Variants in NELL2 observed in about 807,000 individuals in gnomAD.
NELL2 encodes the protein protein kinase C-binding protein NELL2.
In NELL2, 41 loss-of-function variants were observed where a neutral mutation model predicts 109.6. That is an observed-to-expected ratio of 0.37 (90% CI 0.29 to 0.49). The LOEUF is 0.49. Ranked by LOEUF, NELL2 falls within the 20% of genes least tolerant of loss-of-function variation. NELL2 has a pLI of 0.98. For synonymous variants in NELL2, 355 were observed against 344.7 expected (o/e 1.03, Z -0.33); for missense variants, 900 against 1,008.3 (o/e 0.89, Z 1.45).
At chr12:44,601,073 A>T (rs1192868562) in intron 15 of NELL2, among the ~76,000 whole-genome samples, 1 of 152,120 alleles carries the variant, frequency 6.6e-6, no homozygotes, top group Non-Finnish European at 1.5e-5. Flanking sequence ...AAAACTGAAG[A>T]TCTTATCCAA....
intron 15 of NELL2, among the ~76,000 whole-genome samples, chr12:44,544,850 ACTGC>A (rs1942728277): frequency 3.3e-5 from 5 of 152,084 alleles, no homozygotes; most frequent in Admixed American, 3.3e-4. Context: ...CAGAATTGAT[ACTGC>A]AAGATGCTAC....
intron 9 of NELL2, among the ~76,000 whole-genome samples, chr12:44,735,358 G>A (rs1939587000): frequency 6.6e-6 from 1 of 152,002 alleles, no homozygotes; most frequent in East Asian, 1.9e-4. Flanking sequence ...ATTTCTCCAG[G>A]AAGAATGTTT....
chr12:44,515,075 G>A (rs1284155281), intron 19 of NELL2, among the ~76,000 whole-genome samples: 1 of 151,622 alleles, frequency 6.6e-6, no homozygotes, highest in Non-Finnish European at 1.5e-5. Context: ...TGGATAAACA[G>A]GTGTATAAAA....
At chr12:44,777,180 G>C (rs370012272) in intron 6 of NELL2, 56 bp from the exon 7 acceptor site, 6 of 1,608,216 alleles carry the variant, frequency 3.7e-6, no homozygotes, top group Non-Finnish European at 5.1e-6. Context: ...GTTCAATCTG[G>C]TTAAGTCTAT....
intron 1 of NELL2, among the ~76,000 whole-genome samples, chr12:44,898,495 C>G (rs750604022): frequency 3.3e-5 from 5 of 152,144 alleles, no homozygotes; most frequent in Admixed American, 6.5e-5. Flanking sequence ...CAAACTCCAG[C>G]AGACCTGCAG....
At chr12:44,804,250 T>C (rs956662998) in intron 3 of NELL2, among the ~76,000 whole-genome samples, 1 of 151,904 alleles carries the variant, frequency 6.6e-6, no homozygotes, top group Non-Finnish European at 1.5e-5. Flanking sequence ...AGCATGTCAA[T>C]CACCTTCTTT....
intron 15 of NELL2, among the ~76,000 whole-genome samples, chr12:44,586,148 C>A (rs1386528606): frequency 6.7e-6 from 1 of 149,988 alleles, no homozygotes; most frequent in African/African-American, 2.4e-5. Context: ...AAATATATCA[C>A]AATTTATTTA....
chr12:44,777,913 C>G (rs1381133893), intron 5 of NELL2, among the ~76,000 whole-genome samples: 1 of 152,068 alleles, frequency 6.6e-6, no homozygotes, highest in Non-Finnish European at 1.5e-5. Context: ...CTGGAAATGA[C>G]CTGTTTTACA....
rs1477625546 is a variant in NELL2, at chr12:44,612,419, TG to T, written c.1445-1450del. 1.3e-4 allele frequency among the ~76,000 whole-genome samples: 20 copies of T among 151,842 alleles called. No individual in the cohort carries two copies. The South Asian group carries it at 3.5e-3, about 27-fold the overall frequency. On this transcript the variant is annotated intron_variant, in intron 13 of 19. Transcript: ENST00000429094. ...CACCAAGGTTCTAGAACTGCACAAA[TG>T]GATATATTATTTTCCAAATTCCTGG...
At chr12:44,723,121 G>A (rs995917416) in intron 9 of NELL2, among the ~76,000 whole-genome samples, 6 of 151,796 alleles carry the variant, frequency 4.0e-5, no homozygotes, top group South Asian at 2.1e-4. Context: ...CCCGGGAGGC[G>A]GAGCTTGCAG....
intron 9 of NELL2, among the ~76,000 whole-genome samples, chr12:44,758,995 C>G (rs1396847273): frequency 6.6e-6 from 1 of 152,134 alleles, no homozygotes; most frequent in Non-Finnish European, 1.5e-5. Flanking sequence ...CTGGTTTCAC[C>G]AAGTTCTTGA....
chr12:44,695,934 T>C (rs1342701955), intron 12 of NELL2, among the ~76,000 whole-genome samples: 1 of 151,770 alleles, frequency 6.6e-6, no homozygotes, highest in Non-Finnish European at 1.5e-5. Context: ...CAATGAGGCA[T>C]GATTGCACCA....
In NELL2 at chr12:44,517,371, T is replaced by TTC. The variant is rs71093810; in HGVS notation, c.2400+2632_2400+2633dup. On this transcript the variant is annotated intron_variant, in intron 19 of 19. Coordinates refer to ENST00000429094, the MANE Select transcript of NELL2 (RefSeq NM_001145108.2). ...GTCTGGTACCTACCCACCAACTACT[T>TTC]TCTCTCTCTCTCTCTCTCTCTCTCT... 8.9e-3 allele frequency among the ~76,000 whole-genome samples: 910 copies of TTC among 102,486 alleles called. 16 individuals carry two copies. The highest frequency in any genetic ancestry group is 0.013 in the Non-Finnish European group (657 of 48,930). 67.2% of individuals were successfully genotyped at this position (102,486 alleles called of 152,430 possible). A position where few individuals can be genotyped will look rare whatever the true frequency, so the allele number is the denominator to read the frequency against.
At chr12:44,762,117 G>A (rs1056966035) in intron 9 of NELL2, among the ~76,000 whole-genome samples, 3 of 152,020 alleles carry the variant, frequency 2.0e-5, no homozygotes, top group African/African-American at 7.2e-5. Flanking sequence ...CAACCATCCA[G>A]ATTTTTACCT....
At chr12:44,598,349 T>A (rs750400379) in intron 15 of NELL2, among the ~76,000 whole-genome samples, 3 of 152,092 alleles carry the variant, frequency 2.0e-5, no homozygotes, top group Non-Finnish European at 4.4e-5. Context: ...GTACAGACTC[T>A]GGGAGCATTA....
intron 2 of NELL2, among the ~76,000 whole-genome samples, chr12:44,873,120 C>T (rs1000807755): frequency 6.6e-6 from 1 of 152,112 alleles, no homozygotes; most frequent in African/African-American, 2.4e-5. Context: ...CTACTGAGAA[C>T]ATGGCATGCA....
At chr12:44,848,579 A>C (rs1944442659) in intron 2 of NELL2, among the ~76,000 whole-genome samples, 1 of 151,808 alleles carries the variant, frequency 6.6e-6, no homozygotes, top group African/African-American at 2.4e-5. Context: ...GCCAGAGAAT[A>C]CTCCTCCCAA....
At chr12:44,537,422 C>G (rs1412672754) in intron 15 of NELL2, among the ~76,000 whole-genome samples, 2 of 152,040 alleles carry the variant, frequency 1.3e-5, no homozygotes, top group Non-Finnish European at 2.9e-5. Context: ...AGTTTCTGCT[C>G]TTATATTGGA....
chr12:44,759,939 C>T (rs772700861), intron 9 of NELL2, among the ~76,000 whole-genome samples: 2 of 152,260 alleles, frequency 1.3e-5, no homozygotes, highest in Non-Finnish European at 2.9e-5. Context: ...CTTTCACTAC[C>T]TTTTAAAATT....
Sources: gnomAD v4.1 joint callset for allele counts (sites outside exome capture counted in the v4.1 genomes callset) on GRCh38, gnomAD v4.1.1 for gene constraint, MANE v1.5 for transcripts, NCBI Gene and HGNC (gene_info 2026-07-23, HGNC 2026-07-21) for gene names.